SLC38A1: variants seen among roughly 807,000 people sequenced by gnomAD.
The protein encoded by SLC38A1 is sodium-coupled neutral amino acid symporter 1.
A neutral mutation model predicts 60.3 loss-of-function variants in SLC38A1; 18 were observed. That is an observed-to-expected ratio of 0.30 (90% CI 0.21 to 0.44). The LOEUF is 0.44. Ranked by LOEUF, SLC38A1 falls within the 20% of genes least tolerant of loss-of-function variation. The probability of loss-of-function intolerance (pLI) is 1.00; values close to 1 mark genes in which losing one functional copy is unlikely to be tolerated. For missense variants in SLC38A1, 448 were observed against 587.2 expected (o/e 0.76, Z 2.45); for synonymous variants, 196 against 212.1 (o/e 0.92, Z 0.66).
intron 3 of SLC38A1, among the ~76,000 whole-genome samples, chr12:46,238,634 T>C (rs1331929036): frequency 6.6e-6 from 1 of 152,170 alleles, no homozygotes; most frequent in Non-Finnish European, 1.5e-5. Flanking sequence ...ACCTAGACAA[T>C]CAGTGGGTCT....
intron 5 of SLC38A1, among the ~76,000 whole-genome samples, chr12:46,223,538 C>A (rs891328116): frequency 1.3e-5 from 2 of 151,990 alleles, no homozygotes; most frequent in African/African-American, 4.8e-5. Context: ...AGTCTCCTTG[C>A]ATGCCACTTT....
rs568741949 is a variant in SLC38A1, at chr12:46,189,088, G to A, written c.1363-17C>T. Reference sequence around the variant, plus strand: ...AAGGGCAGCCTGGAGCAAGAGAAAGGCAAGGGTTATTTTCAGTGCAGCAAA... The same window carrying A: ...AAGGGCAGCCTGGAGCAAGAGAAAGACAAGGGTTATTTTCAGTGCAGCAAA... On this transcript the variant is annotated splice_polypyrimidine_tract_variant and intron_variant, in intron 16 of 16. Coordinates refer to ENST00000398637, the MANE Select transcript of SLC38A1 (RefSeq NM_030674.4). 9.9e-6 allele frequency: 16 copies of A among 1,609,482 alleles called. No individual in the cohort carries two copies. In the East Asian group the frequency reaches 3.6e-4, roughly 36 times the overall value.
chr12:46,261,058 T>C (rs751584807), intron 1 of SLC38A1, among the ~76,000 whole-genome samples: 4 of 152,212 alleles, frequency 2.6e-5, no homozygotes, highest in Non-Finnish European at 4.4e-5. Context: ...ATGGGTCTAC[T>C]CTTATGCAGT....
In SLC38A1 at chr12:46,221,895, A is replaced by T. The variant is rs139373485; in HGVS notation, c.314+7258T>A. 2.9e-3 allele frequency among the ~76,000 whole-genome samples: 441 copies of T among 152,320 alleles called. 4 individuals are homozygous for T. The highest frequency in any genetic ancestry group is 1.0e-2 in the African/African-American group (415 of 41,572). On this transcript the variant is annotated intron_variant, in intron 5 of 16. Coordinates refer to ENST00000398637, the MANE Select transcript of SLC38A1 (RefSeq NM_030674.4). ...CAGACAAGCAGTTTTGGAGGAGATA[A>T]CATCTGATCTAGGCCTTCCAGGACC...
Position 46,197,706 on chromosome 12 carries a change from G to A in SLC38A1, c.1362+14C>T. The A allele has an allele frequency of 6.7e-7, 1 of 1,493,830 alleles. No homozygotes were observed. Among genetic ancestry groups the A allele is most frequent in the South Asian group, 1.2e-5 (1 of 83,286 alleles). The allele number at this position is 1,493,830 out of a possible 1,614,324, so 92.5% of individuals were successfully genotyped here. A position where few individuals can be genotyped will look rare whatever the true frequency, so the allele number is the denominator to read the frequency against. On this transcript the variant is annotated intron_variant, in intron 16 of 16. Transcript: ENST00000398637. The stretch of plus-strand genomic sequence containing the variant: ...ACTAATCAGAAAAGTTAGAGTGGCT[G>A]GCAAGAGACATACCCAAATTCTTTG...
At position 46,194,842 on chromosome 12, in the gene SLC38A1, T is replaced by TC. The variant is rs1939294269; in HGVS notation, c.1362+2877_1362+2878insG. ...TAGCCATTCATCTAACCTTTTTTTT[T>TC]TCCACAGTTTTTAGCCTCTTTGCGA... On this transcript the variant is annotated intron_variant, in intron 16 of 16. Transcript: ENST00000398637. 2.0e-5 allele frequency among the ~76,000 whole-genome samples: 3 copies of TC among 152,130 alleles called. No individual in the cohort carries two copies. In the South Asian group the frequency reaches 6.2e-4, roughly 31 times the overall value.
chr12:46,203,418 C>T (rs1329101147), intron 11 of SLC38A1, among the ~76,000 whole-genome samples: 2 of 152,152 alleles, frequency 1.3e-5, no homozygotes, highest in African/African-American at 4.8e-5. Flanking sequence ...TGGGTCCCCA[C>T]AGCAATCCCA....
chr12:46,254,444 G>A (rs1235520332), intron 1 of SLC38A1, among the ~76,000 whole-genome samples: 3 of 152,166 alleles, frequency 2.0e-5, no homozygotes, highest in Non-Finnish European at 2.9e-5. Context: ...TGTATAAAGT[G>A]CAGCAAGAAT....
At chr12:46,232,021 C>T (rs1178611890) in intron 3 of SLC38A1, among the ~76,000 whole-genome samples, 1 of 152,140 alleles carries the variant, frequency 6.6e-6, no homozygotes, top group Non-Finnish European at 1.5e-5. Context: ...TCATCTTTAT[C>T]CAAGGGATCT....
chr12:46,259,909 C>T (rs1942146399), intron 1 of SLC38A1, among the ~76,000 whole-genome samples: 1 of 152,138 alleles, frequency 6.6e-6, no homozygotes, highest in African/African-American at 2.4e-5. Context: ...AAACTACTTG[C>T]TCCTGCCACC....
chr12:46,228,450 T>C (rs1940949164), intron 5 of SLC38A1, among the ~76,000 whole-genome samples: 1 of 152,170 alleles, frequency 6.6e-6, no homozygotes, highest in Non-Finnish European at 1.5e-5. Context: ...GGCAAGATCC[T>C]CGGAGAAGTG....
chr12:46,200,016 GTTCTA>G (rs1398429878), intron 13 of SLC38A1, among the ~76,000 whole-genome samples: 18 of 152,278 alleles, frequency 1.2e-4, no homozygotes, highest in African/African-American at 3.9e-4. Context: ...AGTGTTTGGT[GTTCTA>G]TTCTATGTGA....
At position 46,207,521 on chromosome 12, in the gene SLC38A1, CT is replaced by C. The variant is rs764800047; in HGVS notation, c.481+7del. On this transcript the variant is annotated splice_region_variant and intron_variant, in intron 7 of 16. Transcript: ENST00000398637. ...CAAGTTATGTAAAGAAAAGCATGTT[CT>C]TTTTACCTCCAGTGTTCTGTAGAGA... 127 of 1,611,710 alleles carry C rather than the reference CT, an allele frequency of 7.9e-5. No individual in the cohort carries two copies. The highest frequency in any genetic ancestry group is 1.0e-4 in the Non-Finnish European group (121 of 1,178,146).
intron 16 of SLC38A1, among the ~76,000 whole-genome samples, chr12:46,192,782 C>T (rs1003074786): frequency 4.6e-5 from 7 of 151,846 alleles, no homozygotes; most frequent in Admixed American, 1.3e-4. Context: ...GGTGATATCC[C>T]CTTTATCATT....
intron 3 of SLC38A1, among the ~76,000 whole-genome samples, chr12:46,232,847 C>T (rs1941126752): frequency 6.6e-6 from 1 of 152,176 alleles, no homozygotes; most frequent in South Asian, 2.1e-4. Context: ...ATACCTAATA[C>T]AAATGCTAGG....
rs552065339 is a variant in SLC38A1, at chr12:46,257,740, T to C, written c.-209+10786A>G. On this transcript the variant is annotated intron_variant, in intron 1 of 16. Transcript: ENST00000398637. ...CTTTGGATCAGGGGTTTCCTCACAA[T>C]AGTCGCTTCCACAGTCGCCAGAAAG... is the stretch of plus-strand genomic sequence containing the variant. Among the ~76,000 whole-genome samples, 158 of 152,232 alleles carry C rather than the reference T, an allele frequency of 1.0e-3. 1 individual carries two copies. Among genetic ancestry groups the C allele is most frequent in the African/African-American group, 3.6e-3 (151 of 41,532 alleles).
chr12:46,207,517 T>C lies in SLC38A1; in HGVS notation c.481+12A>G. 6.2e-7 allele frequency: 1 copy of C among 1,609,672 alleles called. No homozygotes were observed. The highest frequency in any genetic ancestry group is 8.5e-7 in the Non-Finnish European group (1 of 1,176,176). On this transcript the variant is annotated intron_variant, in intron 7 of 16. Transcript: ENST00000398637. Reference sequence around the variant, plus strand: ...GTTTCAAGTTATGTAAAGAAAAGCATGTTCTTTTTACCTCCAGTGTTCTGT... The same window carrying C: ...GTTTCAAGTTATGTAAAGAAAAGCACGTTCTTTTTACCTCCAGTGTTCTGT...
intron 13 of SLC38A1, among the ~76,000 whole-genome samples, chr12:46,199,775 GA>G (rs1174307443): frequency 6.6e-6 from 1 of 152,096 alleles, no homozygotes; most frequent in Non-Finnish European, 1.5e-5. Flanking sequence ...CTTTTGACAA[GA>G]GGTAATTTCC....
At chr12:46,209,854 T>C (rs1378373729) in intron 5 of SLC38A1, among the ~76,000 whole-genome samples, 1 of 152,146 alleles carries the variant, frequency 6.6e-6, no homozygotes, top group Non-Finnish European at 1.5e-5. Context: ...GTTAAAATGA[T>C]GTGGGAGATT....
Sources: gnomAD v4.1 joint callset for allele counts (sites outside exome capture counted in the v4.1 genomes callset) on GRCh38, gnomAD v4.1.1 for gene constraint, MANE v1.5 for transcripts, NCBI Gene and HGNC (gene_info 2026-07-23, HGNC 2026-07-21) for gene names.